Variants in ASPRV1 observed in about 807,000 individuals in gnomAD.
ASPRV1 encodes aspartic peptidase retroviral like 1.
ASPRV1 carries 7 observed loss-of-function variants against 11.0 expected under a neutral mutation model. The observed-to-expected ratio is 0.64, with a 90% CI of 0.36 to 1.20. The LOEUF is 1.20. Ranked by LOEUF, ASPRV1 falls within the 50% of genes most tolerant of loss-of-function variation. ASPRV1 has a pLI of 0.02. For missense variants in ASPRV1, 299 were observed against 320.0 expected, an observed-to-expected ratio of 0.93 and a Z score of 0.50; for synonymous variants, 136 against 138.4, an observed-to-expected ratio of 0.98 and a Z score of 0.12.
the ASPRV1 span, among the ~76,000 whole-genome samples, chr2:70,038,686 G>C: frequency 2.0e-5 from 3 of 152,206 alleles, no homozygotes; most frequent in South Asian, 6.2e-4. Flanking sequence ...GAGTTTGAGA[G>C]AGTTAAATTG....
At chr2:70,085,302 C>T in the ASPRV1 span, among the ~76,000 whole-genome samples, 1 of 152,150 alleles carries the variant, frequency 6.6e-6, no homozygotes, top group Non-Finnish European at 1.5e-5. Flanking sequence ...TCTGGGCAGG[C>T]TGAATCACTT....
the ASPRV1 span, among the ~76,000 whole-genome samples, chr2:69,969,896 A>T: frequency 4.9e-5 from 7 of 143,850 alleles, no homozygotes; most frequent in East Asian, 4.0e-4. Context: ...ATTCTCTTAA[A>T]TTTTTTTTTT....
chr2:69,981,666 C>A, the ASPRV1 span, among the ~76,000 whole-genome samples: 8 of 152,192 alleles, frequency 5.3e-5, no homozygotes, highest in Admixed American at 5.2e-4. Context: ...GAGCAATTAT[C>A]CTGCCTCAGC....
chr2:70,040,848 C>T, the ASPRV1 span, among the ~76,000 whole-genome samples: 1 of 152,106 alleles, frequency 6.6e-6, no homozygotes, highest in East Asian at 1.9e-4. Context: ...CTAAACTAAA[C>T]TAAACTAAAC....
the ASPRV1 span, among the ~76,000 whole-genome samples, chr2:69,978,661 G>C: frequency 6.6e-6 from 1 of 152,216 alleles, no homozygotes; most frequent in Admixed American, 6.5e-5. Flanking sequence ...TTCCCAGCCT[G>C]ACACGGGTGA....
At chr2:69,942,739 A>G in the ASPRV1 span, 1 of 152,208 alleles carries the variant, frequency 6.6e-6, no homozygotes, top group East Asian at 1.9e-4. Flanking sequence ...ATGAAAGGGT[A>G]TGCTATTCTG....
At chr2:69,971,578 A>G in the ASPRV1 span, among the ~76,000 whole-genome samples, 1 of 152,246 alleles carries the variant, frequency 6.6e-6, no homozygotes, top group Non-Finnish European at 1.5e-5. Flanking sequence ...AGGTAAAATA[A>G]CAAAGATATT....
At chr2:70,057,925 C>G in the ASPRV1 span, among the ~76,000 whole-genome samples, 1 of 152,088 alleles carries the variant, frequency 6.6e-6, no homozygotes, top group East Asian at 1.9e-4. Flanking sequence ...TCCCGAGTAG[C>G]TGGGACTACA....
chr2:70,016,792 T>C, the ASPRV1 span, among the ~76,000 whole-genome samples: 1 of 151,156 alleles, frequency 6.6e-6, no homozygotes, highest in Non-Finnish European at 1.5e-5. Context: ...TGCAGTGAGC[T>C]GAGATCACAC....
the ASPRV1 span, among the ~76,000 whole-genome samples, chr2:69,986,232 T>G: frequency 3.3e-5 from 5 of 152,310 alleles, no homozygotes; most frequent in Admixed American, 3.3e-4. Context: ...TCAGGTAGAT[T>G]CATAGCTGAG....
chr2:70,041,363 CA>C, the ASPRV1 span, among the ~76,000 whole-genome samples: 9 of 152,262 alleles, frequency 5.9e-5, no homozygotes, highest in East Asian at 1.7e-3. Context: ...CTAGCTAAGC[CA>C]ACTTCCATTC....
At chr2:70,068,062 T>C in the ASPRV1 span, among the ~76,000 whole-genome samples, 3 of 152,216 alleles carry the variant, frequency 2.0e-5, no homozygotes, top group Non-Finnish European at 4.4e-5. Context: ...GTCCACACTC[T>C]ATCCCAAATC....
the ASPRV1 span, among the ~76,000 whole-genome samples, chr2:69,987,365 G>A: frequency 6.6e-6 from 1 of 151,916 alleles, no homozygotes; most frequent in South Asian, 2.1e-4. Context: ...CCCACGGTGG[G>A]CTATCCTTGG....
the ASPRV1 span, among the ~76,000 whole-genome samples, chr2:70,079,442 C>T: frequency 3.3e-5 from 5 of 152,142 alleles, no homozygotes; most frequent in South Asian, 6.2e-4. Flanking sequence ...CACTGCAGTC[C>T]GGCCTGGACA....
the ASPRV1 span, among the ~76,000 whole-genome samples, chr2:70,026,656 A>G: frequency 6.6e-6 from 1 of 152,124 alleles, no homozygotes; most frequent in Non-Finnish European, 1.5e-5. Context: ...AAAGTAAAAG[A>G]TCTCTACAAT....
At chr2:70,056,063 A>G in the ASPRV1 span, 3 of 152,192 alleles carry the variant, frequency 2.0e-5, no homozygotes, top group Non-Finnish European at 2.9e-5. Flanking sequence ...ACCCTAACAC[A>G]TTATGCTAAG....
chr2:70,021,104 C>G, the ASPRV1 span, among the ~76,000 whole-genome samples: 2 of 152,144 alleles, frequency 1.3e-5, no homozygotes, highest in South Asian at 4.1e-4. Context: ...GGCCACCATT[C>G]CATTCTTATG....
At chr2:69,972,685 C>T in the ASPRV1 span, among the ~76,000 whole-genome samples, 2 of 152,120 alleles carry the variant, frequency 1.3e-5, no homozygotes, top group African/African-American at 4.8e-5. Context: ...CATGAGTGTT[C>T]TGCAGTCCTC....
At chr2:70,007,547 A>G in the ASPRV1 span, among the ~76,000 whole-genome samples, 1 of 151,948 alleles carries the variant, frequency 6.6e-6, no homozygotes, top group Non-Finnish European at 1.5e-5. Context: ...ATCTACTTAA[A>G]TAAGTAGAGC....
Sources: allele counts gnomAD v4.1 joint callset (sites outside exome capture counted in the v4.1 genomes callset), GRCh38; gene constraint gnomAD v4.1.1; transcripts MANE v1.5; gene names NCBI Gene and HGNC (gene_info 2026-07-23, HGNC 2026-07-21).